MXD1: variants seen among roughly 807,000 people sequenced by gnomAD.
MXD1 encodes the protein MAX-binding protein.
In MXD1, 9 loss-of-function variants were observed where a neutral mutation model predicts 25.7. The observed-to-expected ratio is 0.35, with a 90% CI of 0.21 to 0.61. MXD1 has a LOEUF of 0.61. MXD1 is among the 20% of genes least tolerant of loss of function. MXD1 has a pLI of 0.75. For synonymous variants in MXD1, 99 were observed against 113.9 expected, an observed-to-expected ratio of 0.87 and a Z score of 0.83; for missense variants, 227 against 292.4, an observed-to-expected ratio of 0.78 and a Z score of 1.63.
rs1676932047 is a variant in MXD1, at chr2:69,915,113, T to A, written c.-218T>A. Reference sequence around the variant, plus strand: ...TCCGCGGCGGTGGCGGCTGCTGCTCTGCTCCGGGTTCTGTCACTGTGTCGG... The same window carrying A: ...TCCGCGGCGGTGGCGGCTGCTGCTCAGCTCCGGGTTCTGTCACTGTGTCGG... On this transcript the variant is annotated 5_prime_UTR_variant, in exon 1 of 6. Coordinates refer to ENST00000264444, the MANE Select transcript of MXD1 (RefSeq NM_002357.4). The surrounding 1 kb of genome is among the most constrained non-coding windows in gnomAD (Gnocchi z 5.8). 4.9e-6 allele frequency: 2 copies of A among 406,928 alleles called. No individual in the cohort carries two copies. The highest frequency in any genetic ancestry group is 8.6e-6 in the Non-Finnish European group (2 of 231,672). The allele number at this position is 406,928 out of a possible 1,614,324, so 25.2% of individuals were successfully genotyped here.
chr2:69,928,293 G>A (rs978982017), intron 3 of MXD1, among the ~76,000 whole-genome samples: 11 of 152,188 alleles, frequency 7.2e-5, no homozygotes, highest in African/African-American at 2.7e-4. Context: ...CTACCCTGTT[G>A]AGGGTGATCT....
chr2:69,929,487 A>G (rs994085239), intron 3 of MXD1, among the ~76,000 whole-genome samples: 1 of 152,228 alleles, frequency 6.6e-6, no homozygotes, highest in African/African-American at 2.4e-5. Flanking sequence ...AAATAAGAAG[A>G]GCTACAGTCA....
chr2:69,919,019 T>TTAA (rs1170650355), intron 2 of MXD1, among the ~76,000 whole-genome samples: 2 of 152,230 alleles, frequency 1.3e-5, no homozygotes, highest in Non-Finnish European at 2.9e-5. Context: ...AAGCACCATG[T>TTAA]GTTTAACACT....
intron 3 of MXD1, among the ~76,000 whole-genome samples, chr2:69,925,319 T>C (rs907094306): frequency 3.9e-5 from 6 of 152,070 alleles, no homozygotes; most frequent in Non-Finnish European, 8.8e-5. Flanking sequence ...TTGAGAAATA[T>C]AGAAAATAAT....
At chr2:69,922,951 T>C (rs1177897363) in intron 3 of MXD1, among the ~76,000 whole-genome samples, 6 of 150,662 alleles carry the variant, frequency 4.0e-5, no homozygotes, top group Admixed American at 4.0e-4. Context: ...CTTCAGTAAT[T>C]ATCAACATTT....
intron 2 of MXD1, among the ~76,000 whole-genome samples, chr2:69,918,009 C>T (rs994315337): frequency 3.3e-5 from 5 of 152,144 alleles, no homozygotes; most frequent in Admixed American, 6.5e-5. Flanking sequence ...ACCAGCCAAA[C>T]GTGTGAGGCA....
intron 3 of MXD1, among the ~76,000 whole-genome samples, chr2:69,928,708 A>AC (rs1303982177): frequency 6.6e-6 from 1 of 151,756 alleles, no homozygotes; most frequent in Non-Finnish European, 1.5e-5. Context: ...TGTACCAAAA[A>AC]AAAAAAAAAA....
At chr2:69,921,697 A>G in intron 2 of MXD1, 39 bp from the exon 3 acceptor site, 1 of 1,586,496 alleles carries the variant, frequency 6.3e-7, no homozygotes, top group Non-Finnish European at 8.6e-7. Context: ...TCTTTAAGAC[A>G]AAAATATCTT....
chr2:69,922,107 T>C (rs1677076268), intron 3 of MXD1, among the ~76,000 whole-genome samples: 1 of 152,250 alleles, frequency 6.6e-6, no homozygotes, highest in Admixed American at 6.5e-5. Context: ...GGCAGTGTTA[T>C]CTAAAATACA....
intron 3 of MXD1, among the ~76,000 whole-genome samples, chr2:69,927,855 C>T (rs1035577501): frequency 6.6e-6 from 1 of 152,166 alleles, no homozygotes; most frequent in Non-Finnish European, 1.5e-5. Flanking sequence ...TGTGAGAAAT[C>T]TTCAAAACCT....
intron 3 of MXD1, among the ~76,000 whole-genome samples, chr2:69,929,961 C>A (rs191198424): frequency 8.5e-5 from 13 of 152,270 alleles, no homozygotes; most frequent in African/African-American, 2.4e-4. Context: ...CCTCATTATT[C>A]TTCTTATTCA....
At chr2:69,935,938 A>G (rs111533981) in intron 4 of MXD1, among the ~76,000 whole-genome samples, 1 of 152,080 alleles carries the variant, frequency 6.6e-6, no homozygotes, top group African/African-American at 2.4e-5. Flanking sequence ...GGCTCAGGAC[A>G]AGCTCTGTCA....
chr2:69,932,467 C>T (rs1401838894), intron 3 of MXD1, among the ~76,000 whole-genome samples: 6 of 152,242 alleles, frequency 3.9e-5, no homozygotes, highest in Admixed American at 2.0e-4. Context: ...AGCAGTGAGG[C>T]GCCGGAGAAG....
At chr2:69,918,280 A>G (rs1676997382) in intron 2 of MXD1, among the ~76,000 whole-genome samples, 2 of 152,196 alleles carry the variant, frequency 1.3e-5, no homozygotes, top group African/African-American at 4.8e-5. Flanking sequence ...TTGCTTGTAG[A>G]GTCTAGGGAA....
Position 69,938,412 on chromosome 2 carries a change from T to C in MXD1, c.*128T>C, listed in dbSNP as rs1410113413. 2 of 930,622 alleles carry C rather than the reference T, an allele frequency of 2.1e-6. No individual in the cohort carries two copies. The highest frequency in any genetic ancestry group is 5.3e-5 in the Admixed American group (2 of 37,460). 57.6% of individuals were successfully genotyped at this position (930,622 alleles called of 1,614,324 possible). A position where few individuals can be genotyped will look rare whatever the true frequency, so the allele number is the denominator to read the frequency against. Reference sequence around the variant, plus strand: ...GTCCCACCTTGACCAAAATCAGCTTTGTAACTGTTTTCAAGGAGGTGCTTA... The same window carrying C: ...GTCCCACCTTGACCAAAATCAGCTTCGTAACTGTTTTCAAGGAGGTGCTTA... On this transcript the variant is annotated 3_prime_UTR_variant, in exon 6 of 6. Transcript: ENST00000264444.
At chr2:69,937,110 T>G in intron 4 of MXD1, 125 bp from the exon 5 acceptor site, 1 of 1,240,246 alleles carries the variant, frequency 8.1e-7, no homozygotes, top group Non-Finnish European at 1.2e-6. Flanking sequence ...AGAAGCTTGA[T>G]GAGTGGCACC....
intron 3 of MXD1, among the ~76,000 whole-genome samples, chr2:69,931,790 T>C (rs1677292184): frequency 6.6e-6 from 1 of 152,342 alleles, no homozygotes; most frequent in South Asian, 2.1e-4. Context: ...AGACCAAAGG[T>C]ATATCAGCTT....
intron 3 of MXD1, among the ~76,000 whole-genome samples, chr2:69,934,686 GTA>G (rs1677379425): frequency 6.6e-6 from 1 of 152,132 alleles, no homozygotes; most frequent in Non-Finnish European, 1.5e-5. Context: ...AGATAGCATG[GTA>G]TACTCACAGT....
At position 69,941,971 on chromosome 2, in the gene MXD1, T is replaced by G. The variant is rs1340774036; in HGVS notation, c.*3687T>G. 2.0e-5 allele frequency: 3 copies of G among 152,186 alleles called. No homozygotes were observed. Among genetic ancestry groups the G allele is most frequent in the Admixed American group, 6.5e-5 (1 of 15,276 alleles). The allele number at this position is 152,186 out of a possible 1,614,324, so 9.4% of individuals were successfully genotyped here. On this transcript the variant is annotated 3_prime_UTR_variant, in exon 6 of 6. Coordinates refer to ENST00000264444, the MANE Select transcript of MXD1 (RefSeq NM_002357.4). ...TTTACAGTCTATTTCTTCCCCCAAG[T>G]CTTGGTCTTTTTTTATTTTCTATTT...
Sources: allele counts gnomAD v4.1 joint callset (sites outside exome capture counted in the v4.1 genomes callset), GRCh38; gene constraint gnomAD v4.1.1; non-coding constraint Gnocchi (gnomAD v3.1); transcripts MANE v1.5; gene names NCBI Gene and HGNC (gene_info 2026-07-23, HGNC 2026-07-21).